Variants in DLGAP4 observed in about 807,000 individuals in gnomAD.
The protein encoded by DLGAP4 is disks large-associated protein 4.
Under a neutral mutation model 86.9 loss-of-function variants are expected in DLGAP4, and 18 were observed. The ratio of observed to expected loss-of-function variants is 0.21; its 90% CI spans 0.14 to 0.31. The LOEUF is 0.31. Ranked by LOEUF, DLGAP4 falls within the 10% of genes least tolerant of loss-of-function variation. DLGAP4 has a pLI of 1.00. For synonymous variants in DLGAP4, 548 were observed against 574.3 expected (o/e 0.95, Z 0.65); for missense variants, 1,085 against 1,362.6 (o/e 0.80, Z 3.21).
At chr20:36,458,208 G>A (rs1193438510) in intron 7 of DLGAP4, among the ~76,000 whole-genome samples, 1 of 151,430 alleles carries the variant, frequency 6.6e-6, no homozygotes. Context: ...GACCTGGTGT[G>A]TGTCTTAAAA....
In DLGAP4 at chr20:36,526,831, C is replaced by A. The variant is rs761824309; in HGVS notation, c.2779C>A (p.Pro927Thr). 13 of 1,608,026 alleles carry A rather than the reference C, an allele frequency of 8.1e-6. No individual in the cohort carries two copies. The African/African-American group carries it at 1.1e-4, about 13-fold the overall frequency. The change falls in exon 13 of 13, where the codon CCT (proline) becomes ACT (threonine). Residue 927 changes from proline to threonine, a missense_variant. Physicochemically the swap from Pro to Thr is conservative, Grantham distance 38. Coordinates refer to ENST00000339266, the MANE Select transcript of DLGAP4 (RefSeq NM_001365621.2). ...ACTAAAGGAAGAGAAGAAACCACCC[C>A]CTCCGGTCCCAAAGAAGCCAGCCAA... Reference protein sequence around the residue: ...EKRKEEKKPPPPVPKKPAKSK... With the variant: ...EKRKEEKKPPTPVPKKPAKSK...
intron 7 of DLGAP4, among the ~76,000 whole-genome samples, chr20:36,451,791 G>A (rs1447468354): frequency 2.3e-5 from 3 of 128,204 alleles, no homozygotes; most frequent in East Asian, 2.3e-4. Flanking sequence ...TTTGAGTTTC[G>A]CTCTTGTTGC....
In DLGAP4 at chr20:36,409,911, A is replaced by G. The variant is rs374657312; in HGVS notation, c.-72-21735A>G. Among the ~76,000 whole-genome samples, 853 of 144,742 alleles carry G rather than the reference A, an allele frequency of 5.9e-3. 9 individuals are homozygous for G. Among genetic ancestry groups the G allele is most frequent in the African/African-American group, 0.02 (789 of 39,082 alleles). 95.0% of individuals were successfully genotyped at this position (144,742 alleles called of 152,430 possible). ...TAGCCGGGTATGGTGGCGGGCGCCT[A>G]TAGTCCCAGCTACTCGGGAGGCTGA... On this transcript the variant is annotated intron_variant, in intron 2 of 12. Transcript: ENST00000339266.
At position 36,527,385 on chromosome 20, in the gene DLGAP4, T is replaced by C. The variant is rs1379572555; in HGVS notation, c.*354T>C. The stretch of plus-strand genomic sequence containing the variant: ...TATCTGATGAGAACTCACACTAGCT[T>C]GTTTACAAGATGACGACAGTCCAAG... On this transcript the variant is annotated 3_prime_UTR_variant, in exon 13 of 13. Coordinates refer to ENST00000339266, the MANE Select transcript of DLGAP4 (RefSeq NM_001365621.2). 5.5e-6 allele frequency: 1 copy of C among 181,266 alleles called. No homozygotes were observed. Among genetic ancestry groups the C allele is most frequent in the Middle Eastern group, 2.6e-3 (1 of 390 alleles). The allele number at this position is 181,266 out of a possible 1,614,324, so 11.2% of individuals were successfully genotyped here. A position where few individuals can be genotyped will look rare whatever the true frequency, so the allele number is the denominator to read the frequency against.
intron 1 of DLGAP4, among the ~76,000 whole-genome samples, chr20:36,345,947 G>A (rs1184912170): frequency 6.6e-6 from 1 of 152,020 alleles, no homozygotes; most frequent in African/African-American, 2.4e-5. Context: ...TGTAGAGACA[G>A]GGTCTTGCTA....
chr20:36,479,914 C>A (rs2035109742), intron 7 of DLGAP4, among the ~76,000 whole-genome samples: 1 of 152,052 alleles, frequency 6.6e-6, no homozygotes, highest in East Asian at 1.9e-4. Flanking sequence ...CCATGGAGGG[C>A]CTGGGATTGG....
At chr20:36,501,661 T>TC (rs1310273558) in intron 10 of DLGAP4, among the ~76,000 whole-genome samples, 1 of 152,034 alleles carries the variant, frequency 6.6e-6, no homozygotes, top group African/African-American at 2.4e-5. Context: ...ATTGAGCTAC[T>TC]CCTCCACACT....
chr20:36,495,512 C>T (rs551860601), intron 7 of DLGAP4, among the ~76,000 whole-genome samples: 202 of 152,314 alleles, frequency 1.3e-3, no homozygotes, highest in Non-Finnish European at 2.1e-3. Context: ...CTAGATCCAA[C>T]GTCACCCTCC....
At chr20:36,461,526 T>C (rs1600565502) in intron 7 of DLGAP4, 1 of 982,718 alleles carries the variant, frequency 1.0e-6, no homozygotes, top group Non-Finnish European at 1.2e-6. Flanking sequence ...TGCCCGCCGC[T>C]GGCCGCCGCC....
chr20:36,467,801 A>G (rs763193516), intron 7 of DLGAP4, among the ~76,000 whole-genome samples: 2 of 152,200 alleles, frequency 1.3e-5, no homozygotes, highest in Admixed American at 1.3e-4. Flanking sequence ...TTTCTTGTAC[A>G]CCTGCTGTTT....
chr20:36,376,917 T>C (rs915201835), intron 2 of DLGAP4, among the ~76,000 whole-genome samples: 1 of 152,130 alleles, frequency 6.6e-6, no homozygotes, highest in Non-Finnish European at 1.5e-5. Flanking sequence ...GCCTGGCACA[T>C]AGGAAGTGCT....
In DLGAP4 at chr20:36,525,904, C is replaced by T. The variant is rs1409191345; in HGVS notation, c.2658C>T (p.Asp886=). The change falls in exon 12 of 13, where the codon GAC becomes GAT. Residue 886 remains aspartate (D), a synonymous_variant. Coordinates refer to ENST00000339266, the MANE Select transcript of DLGAP4 (RefSeq NM_001365621.2). ...CCCAGGACCTGGCAGGGTTCTGGGA[C>T]CTGCTACAGCTGTCCATCGAGGATA... ...PTAQDLAGFW[D]LLQLSIEDIS... is the part of the protein sequence containing the mutation. 2 of 1,613,800 alleles carry T rather than the reference C, an allele frequency of 1.2e-6. No homozygotes were observed. The highest frequency in any genetic ancestry group is 3.3e-5 in the Admixed American group (2 of 59,988).
chr20:36,418,832 C>T (rs2032740428), intron 2 of DLGAP4, among the ~76,000 whole-genome samples: 1 of 74,204 alleles, frequency 1.3e-5, no homozygotes, highest in Admixed American at 1.7e-4. Flanking sequence ...GACCAAACAA[C>T]TAGTTGAATA....
Position 36,500,246 on chromosome 20 carries a change from C to G in DLGAP4, c.2147C>G (p.Ser716Trp). The G allele has an allele frequency of 6.2e-7, 1 of 1,607,856 alleles. No homozygotes were observed. Among genetic ancestry groups the G allele is most frequent in the East Asian group, 2.2e-5 (1 of 44,566 alleles). ...HSMSSRRDTDSDTQDANDSSC... is the reference protein window; with the variant it reads ...HSMSSRRDTDWDTQDANDSSC... ...ATGTCCTCCCGACGGGACACAGACT[C>G]GGATACCCAGGATGCCAATGACTCA... is the stretch of plus-strand genomic sequence containing the variant. The change falls in exon 10 of 13, where the codon TCG (serine) becomes TGG (tryptophan). Residue 716 changes from serine to tryptophan, a missense_variant. By Grantham distance (177) the Ser-to-Trp change is radical (BLOSUM62 -3). Coordinates refer to ENST00000339266, the MANE Select transcript of DLGAP4 (RefSeq NM_001365621.2). The surrounding 1 kb of genome is among the most constrained non-coding windows in gnomAD (Gnocchi z 4.6).
At chr20:36,499,712 C>A in intron 9 of DLGAP4, 36 bp downstream of exon 9, 1 of 1,545,038 alleles carries the variant, frequency 6.5e-7, no homozygotes, top group Non-Finnish European at 8.9e-7. Context: ...CTTCTCCCCT[C>A]TCCTCTCCCT....
intron 2 of DLGAP4, among the ~76,000 whole-genome samples, chr20:36,390,306 C>T (rs763634330): frequency 6.6e-6 from 1 of 152,096 alleles, no homozygotes; most frequent in Non-Finnish European, 1.5e-5. Context: ...CAGCTGCACT[C>T]CCATGATAGG....
chr20:36,334,394 T>C, intron 1 of DLGAP4, among the ~76,000 whole-genome samples: 1 of 151,782 alleles, frequency 6.6e-6, no homozygotes, highest in South Asian at 2.1e-4. Flanking sequence ...AGGGAACAGA[T>C]GAGAAGGAGT....
chr20:36,447,894 A>T (rs796779820), intron 7 of DLGAP4, among the ~76,000 whole-genome samples: 1 of 1,758 alleles, frequency 5.7e-4, no homozygotes, highest in African/African-American at 1.9e-3. Flanking sequence ...AGGGCCTATC[A>T]GGGGGGTGGG....
rs552988875 is a variant in DLGAP4 at position 36,402,845 on chromosome 20, C to T, written c.-72-28801C>T. Among the ~76,000 whole-genome samples the T allele has an allele frequency of 3.9e-5, 6 of 152,300 alleles. No individual in the cohort carries two copies. The South Asian group carries it at 1.0e-3, about 26-fold the overall frequency. On this transcript the variant is annotated intron_variant, in intron 2 of 12. Transcript: ENST00000339266. ...ACAATGGCTCAGAGAGGGGAAGCAACATACTCAAAGTTCACACAGATGGTG... is the reference window on the plus strand; with the variant it reads ...ACAATGGCTCAGAGAGGGGAAGCAATATACTCAAAGTTCACACAGATGGTG...
Sources: gnomAD v4.1 joint callset for allele counts (sites outside exome capture counted in the v4.1 genomes callset) on GRCh38, gnomAD v4.1.1 for gene constraint, Gnocchi (gnomAD v3.1) non-coding constraint, MANE v1.5 for transcripts, NCBI Gene and HGNC (gene_info 2026-07-23, HGNC 2026-07-21) for gene names.